The following UNC45B variants were observed in gnomAD, a reference collection of about 807,000 sequenced individuals.
UNC45B encodes unc-45 myosin chaperone B.
UNC45B carries 78 observed loss-of-function variants against 98.7 expected under a neutral mutation model. That is an observed-to-expected ratio of 0.79 (90% CI 0.66 to 0.95). UNC45B has a LOEUF of 0.95. Ranked by LOEUF, UNC45B falls within the 40% of genes least tolerant of loss-of-function variation. The pLI, the probability that UNC45B is intolerant of heterozygous loss-of-function variation, is 0.00. For synonymous variants in UNC45B, 462 were observed against 480.4 expected, an observed-to-expected ratio of 0.96 and a Z score of 0.50; for missense variants, 1,225 against 1,184.9, an observed-to-expected ratio of 1.03 and a Z score of -0.50.
chr17:35,174,445 G>GAGAT, intron 14 of UNC45B, 76 bp downstream of exon 14: 1 of 1,586,454 alleles, frequency 6.3e-7, no homozygotes, highest in Non-Finnish European at 8.6e-7. Context: ...ACTGGGCAGG[G>GAGAT]AGATAGAAAT....
chr17:35,170,936 C>A (rs1183312764), intron 12 of UNC45B, among the ~76,000 whole-genome samples: 2 of 152,078 alleles, frequency 1.3e-5, no homozygotes, highest in Non-Finnish European at 2.9e-5. Flanking sequence ...GCTGGGCCAA[C>A]TCCCTGGCCC....
intron 4 of UNC45B, 61 bp from the exon 5 acceptor site, chr17:35,152,832 G>A: frequency 1.6e-6 from 2 of 1,247,094 alleles, no homozygotes; most frequent in Non-Finnish European, 2.4e-6. Context: ...TGAACTGAAT[G>A]TGGAGCTGAA....
chr17:35,166,007 T>C (rs1335670526), intron 9 of UNC45B, among the ~76,000 whole-genome samples: 1 of 144,432 alleles, frequency 6.9e-6, no homozygotes, highest in Non-Finnish European at 1.5e-5. Context: ...TCCTAGCATT[T>C]TGGGAGGCCG....
At chr17:35,165,900 C>T (rs1442958095) in intron 9 of UNC45B, among the ~76,000 whole-genome samples, 3 of 151,718 alleles carry the variant, frequency 2.0e-5, no homozygotes, top group African/African-American at 7.3e-5. Flanking sequence ...GATCGCACCA[C>T]TGCACTCCAG....
At chr17:35,159,896 A>G (rs2092090682) in intron 8 of UNC45B, among the ~76,000 whole-genome samples, 1 of 152,258 alleles carries the variant, frequency 6.6e-6, no homozygotes. Context: ...AGGAAATTGC[A>G]TCAAGTATAG....
chr17:35,171,934 G>C (rs941434029), intron 13 of UNC45B, among the ~76,000 whole-genome samples: 1 of 152,096 alleles, frequency 6.6e-6, no homozygotes, highest in Non-Finnish European at 1.5e-5. Flanking sequence ...GATATGATTT[G>C]TGTGTGATTT....
chr17:35,180,812 C>A, intron 18 of UNC45B, 136 bp downstream of exon 18: 1 of 598,312 alleles, frequency 1.7e-6, no homozygotes, highest in South Asian at 2.2e-5. Flanking sequence ...TCCAGGAATC[C>A]CTAAATATTT....
intron 17 of UNC45B, among the ~76,000 whole-genome samples, chr17:35,179,178 A>T (rs4796044): frequency 0.61 from 92,156 of 152,050 alleles, 28,382 homozygotes; most frequent in East Asian, 0.77. Flanking sequence ...TGATTCTTCC[A>T]ATCCATGAGC....
Position 35,186,475 on chromosome 17 carries a change from T to A in UNC45B, c.2706T>A (p.Asp902Glu), listed in dbSNP as rs149061988. ...ILTVVGKQEPDEKKAEVVQTA... is the reference protein window; with the variant it reads ...ILTVVGKQEPEEKKAEVVQTA... The stretch of plus-strand genomic sequence containing the variant: ...CTGTGGTGGGCAAACAGGAGCCAGA[T>A]GAGAAGAAGGCAGAAGTGGTTCAGA... Residue 902 changes from aspartate to glutamate, a missense_variant, in exon 20 of 20, where the codon GAT becomes GAA. Transcript: ENST00000394570. The A allele has an allele frequency of 3.9e-5, 63 of 1,614,186 alleles. No homozygotes were observed. In the African/African-American group the frequency reaches 5.6e-4, roughly 14 times the overall value.
chr17:35,154,507 T>G, intron 5 of UNC45B, 67 bp from the exon 6 acceptor site: 1 of 1,478,056 alleles, frequency 6.8e-7, no homozygotes, highest in Non-Finnish European at 9.1e-7. Context: ...TTCTTGTACT[T>G]GGCCCATGGT....
intron 7 of UNC45B, among the ~76,000 whole-genome samples, chr17:35,156,906 A>G (rs1395262963): frequency 6.6e-6 from 1 of 152,122 alleles, no homozygotes; most frequent in Non-Finnish European, 1.5e-5. Flanking sequence ...CATACCATTT[A>G]ATATTCTTTA....
rs762946934 is a variant in UNC45B, at chr17:35,159,461, G to A, written c.895G>A (p.Ala299Thr). 14 of 1,614,028 alleles carry A rather than the reference G, an allele frequency of 8.7e-6. No homozygotes were observed. In the African/African-American group the frequency reaches 9.3e-5, roughly 11 times the overall value. The change falls in exon 8 of 20, where the codon GCG (alanine) becomes ACG (threonine). Residue 299 changes from alanine (A) to threonine (T), a missense_variant. Coordinates refer to ENST00000394570, the MANE Select transcript of UNC45B (RefSeq NM_001267052.2). ...GGTGTCTGGCCAGGGCAGGGATCAG[G>A]CGCTGAACCTGCTCAATAAGAATGT... ...KKVSGQGRDQALNLLNKNVPR... is the reference protein window; with the variant it reads ...KKVSGQGRDQTLNLLNKNVPR...
chr17:35,183,763 A>T (rs1161542651), intron 19 of UNC45B, among the ~76,000 whole-genome samples, 181 bp downstream of exon 19: 1 of 152,140 alleles, frequency 6.6e-6, no homozygotes, highest in East Asian at 1.9e-4. Context: ...CCTTACATTC[A>T]TTATTTGGTC....
chr17:35,186,544 T>G lies in UNC45B; in HGVS notation c.2775T>G (p.Ile925Met). The change falls in exon 20 of 20, where the codon ATT becomes ATG. Residue 925 changes from isoleucine to methionine, a missense_variant. Coordinates refer to ENST00000394570, the MANE Select transcript of UNC45B (RefSeq NM_001267052.2). ...TCAAGTGCATGGATTATGGTTTCAT[T>G]AAACCAGTGTCTTAGACAGCGACCC... ...CLIKCMDYGF[I>M]KPVS 1 of 1,614,234 alleles carries G rather than the reference T, an allele frequency of 6.2e-7. No homozygotes were observed.
In UNC45B at chr17:35,186,611, G is replaced by A. The variant is rs1193103699; in HGVS notation, c.*52G>A. 1 of 1,587,538 alleles carries A rather than the reference G, an allele frequency of 6.3e-7. No homozygotes were observed. The highest frequency in any genetic ancestry group is 1.1e-5 in the South Asian group (1 of 87,244). On this transcript the variant is annotated 3_prime_UTR_variant, in exon 20 of 20. Coordinates refer to ENST00000394570, the MANE Select transcript of UNC45B (RefSeq NM_001267052.2). ...TGGTCCTGTACTGTGCAGAGTCCTG[G>A]GTTGGTTGGGTTCTCCTGAAGAGTC...
rs950627656 is a variant in UNC45B at position 35,170,729 on chromosome 17, G to T, written c.1689+474G>T. On this transcript the variant is annotated intron_variant, in intron 12 of 19. Transcript: ENST00000394570. ...CACATACCTGTAATCCCAGCTACTC[G>T]GGAGGCTGAGGTGGGAGGATTGCTT... 2.0e-4 allele frequency among the ~76,000 whole-genome samples: 30 copies of T among 152,014 alleles called. No individual in the cohort carries two copies. In the South Asian group the frequency reaches 6.2e-3, roughly 32 times the overall value.
At chr17:35,148,568 C>T in intron 2 of UNC45B, 137 bp downstream of exon 2, 1 of 989,978 alleles carries the variant, frequency 1.0e-6, no homozygotes, top group Non-Finnish European at 1.5e-6. Context: ...AGAAGGGTGC[C>T]TCCAACCCCC....
chr17:35,166,486 T>C (rs2092142255), intron 9 of UNC45B, among the ~76,000 whole-genome samples: 1 of 152,162 alleles, frequency 6.6e-6, no homozygotes, highest in African/African-American at 2.4e-5. Context: ...TAGTTCTTGT[T>C]TGGGCTTGTT....
intron 4 of UNC45B, among the ~76,000 whole-genome samples, chr17:35,151,497 A>G (rs2092019348): frequency 6.6e-6 from 1 of 152,114 alleles, no homozygotes; most frequent in Non-Finnish European, 1.5e-5. Flanking sequence ...AATATTTTCT[A>G]GGAAATGGAG....
Sources: gnomAD v4.1 joint callset for allele counts (sites outside exome capture counted in the v4.1 genomes callset) on GRCh38, gnomAD v4.1.1 for gene constraint, MANE v1.5 for transcripts, NCBI Gene and HGNC (gene_info 2026-07-23, HGNC 2026-07-21) for gene names.